The following CNTNAP5 variants were observed in gnomAD, a reference collection of about 807,000 sequenced individuals.
CNTNAP5 encodes contactin associated protein family member 5, also known as contactin-associated protein-like 5.
Under a neutral mutation model 150.2 loss-of-function variants are expected in CNTNAP5, and 72 were observed. That is an observed-to-expected ratio of 0.48 (90% CI 0.40 to 0.58). The LOEUF (loss-of-function observed/expected upper bound fraction) is 0.58, where lower values mean the gene tolerates loss of function less well. CNTNAP5 is among the 20% of genes least tolerant of loss of function. The pLI is 0.00. For missense variants in CNTNAP5, 1,636 were observed against 1,626.2 expected, an observed-to-expected ratio of 1.01 and a Z score of -0.10; for synonymous variants, 672 against 619.8, an observed-to-expected ratio of 1.08 and a Z score of -1.25.
At chr2:124,785,052 A>C (rs1191995500) in intron 17 of CNTNAP5, among the ~76,000 whole-genome samples, 1 of 151,328 alleles carries the variant, frequency 6.6e-6, no homozygotes, top group Non-Finnish European at 1.5e-5. Flanking sequence ...AAAAAAAAAA[A>C]AAAAACAAAA....
chr2:124,865,336 A>G lies in CNTNAP5; in HGVS notation c.3248A>G (p.Lys1083Arg), dbSNP rs777037271. The G allele has an allele frequency of 6.1e-5, 95 of 1,565,182 alleles. No individual in the cohort carries two copies. In the South Asian group the frequency reaches 8.5e-4, roughly 14 times the overall value. Residue 1083 changes from lysine to arginine, a missense_variant, in exon 20 of 24, where the codon AAG becomes AGG. Transcript: ENST00000682447. ...GSLQVRYHLN[K>R]EETHVFTIDA... Reference sequence around the variant, plus strand: ...TTACAGGTTCGCTATCACCTAAACAAGGAAGAAACCCATGTATTCACCATT... The same window carrying G: ...TTACAGGTTCGCTATCACCTAAACAGGGAAGAAACCCATGTATTCACCATT...
At chr2:124,055,921 T>C (rs1456049665) in intron 1 of CNTNAP5, among the ~76,000 whole-genome samples, 1 of 151,588 alleles carries the variant, frequency 6.6e-6, no homozygotes, top group African/African-American at 2.4e-5. Context: ...ACCATCCATG[T>C]CCACTGCCAT....
At position 124,242,304 on chromosome 2, in the gene CNTNAP5, G is replaced by C; in HGVS notation, c.292G>C (p.Gly98Arg). The C allele has an allele frequency of 6.2e-7, 1 of 1,612,848 alleles. No individual in the cohort carries two copies. Among genetic ancestry groups the C allele is most frequent in the Non-Finnish European group, 8.5e-7 (1 of 1,179,514 alleles). Residue 98 changes from glycine to arginine, a missense_variant, in exon 3 of 24, where the codon GGA becomes CGA. By Grantham distance (125) the Gly-to-Arg change is moderately radical. Transcript: ENST00000682447. ...ITAVATQGRY[G>R]SSDWVTSYSL... ...AGCAGTGGCCACGCAGGGAAGATAC[G>C]GAAGCTCTGACTGGGTGACGAGTTA... is the stretch of plus-strand genomic sequence containing the variant.
intron 6 of CNTNAP5, among the ~76,000 whole-genome samples, chr2:124,457,611 G>A (rs537491327): frequency 5.9e-5 from 9 of 152,166 alleles, no homozygotes; most frequent in East Asian, 1.9e-4. Flanking sequence ...ATAGGTAAAC[G>A]TGTGCCATGG....
intron 13 of CNTNAP5, among the ~76,000 whole-genome samples, chr2:124,721,775 T>C (rs1680055002): frequency 6.6e-6 from 1 of 152,122 alleles, no homozygotes; most frequent in Admixed American, 6.6e-5. Context: ...ACAGTACTGA[T>C]TTAGTTTGCT....
At chr2:124,446,254 C>G (rs776620727) in intron 5 of CNTNAP5, among the ~76,000 whole-genome samples, 1 of 152,104 alleles carries the variant, frequency 6.6e-6, no homozygotes, top group Admixed American at 6.6e-5. Flanking sequence ...TTCCTAAGTG[C>G]CGTGCATACA....
intron 1 of CNTNAP5, among the ~76,000 whole-genome samples, chr2:124,184,732 C>T (rs1377956268): frequency 6.6e-6 from 1 of 152,090 alleles, no homozygotes; most frequent in African/African-American, 2.4e-5. Flanking sequence ...GGCTGAGACC[C>T]AGAGAGGCAC....
intron 1 of CNTNAP5, among the ~76,000 whole-genome samples, chr2:124,042,029 T>G (rs2104632414): frequency 6.6e-6 from 1 of 152,178 alleles, no homozygotes; most frequent in East Asian, 1.9e-4. Flanking sequence ...CCCAACTAAT[T>G]TCTGTATTTT....
intron 1 of CNTNAP5, among the ~76,000 whole-genome samples, chr2:124,203,854 G>T (rs1199206140): frequency 6.6e-6 from 1 of 152,212 alleles, no homozygotes; most frequent in Admixed American, 6.5e-5. Context: ...GTGATGGAAT[G>T]GGCTACCATG....
intron 1 of CNTNAP5, among the ~76,000 whole-genome samples, chr2:124,137,183 T>C (rs966043937): frequency 1.3e-5 from 2 of 152,158 alleles, no homozygotes; most frequent in Non-Finnish European, 2.9e-5. Context: ...GCTACTGGCC[T>C]GCTGTCCGTG....
chr2:124,367,640 C>T (rs918375666), intron 3 of CNTNAP5, among the ~76,000 whole-genome samples: 2 of 152,172 alleles, frequency 1.3e-5, no homozygotes, highest in Admixed American at 6.5e-5. Context: ...GCCCCTCTGG[C>T]TTCCATTTCA....
intron 6 of CNTNAP5, among the ~76,000 whole-genome samples, chr2:124,452,563 C>T (rs1294658715): frequency 6.6e-6 from 1 of 152,134 alleles, no homozygotes; most frequent in African/African-American, 2.4e-5. Flanking sequence ...TTGAAAATGC[C>T]AGCTCCTGGG....
intron 3 of CNTNAP5, among the ~76,000 whole-genome samples, chr2:124,402,202 G>A (rs1392067087): frequency 6.6e-6 from 1 of 152,098 alleles, no homozygotes; most frequent in African/African-American, 2.4e-5. Context: ...GACAGTGAAG[G>A]CCAGGACAAG....
chr2:124,060,141 A>G (rs2104652434), intron 1 of CNTNAP5, among the ~76,000 whole-genome samples: 1 of 152,260 alleles, frequency 6.6e-6, no homozygotes, highest in East Asian at 1.9e-4. Flanking sequence ...TTACCTTTCC[A>G]AGACTTGCTA....
intron 3 of CNTNAP5, among the ~76,000 whole-genome samples, chr2:124,281,517 G>A (rs1688011110): frequency 6.6e-6 from 1 of 152,044 alleles, no homozygotes; most frequent in Non-Finnish European, 1.5e-5. Flanking sequence ...GAAAGTTTCA[G>A]GTGAGTAATT....
chr2:124,332,547 A>T (rs2104681930), intron 3 of CNTNAP5, among the ~76,000 whole-genome samples: 1 of 151,602 alleles, frequency 6.6e-6, no homozygotes, highest in Non-Finnish European at 1.5e-5. Context: ...ACAAATAAAC[A>T]TATGTTTAAT....
rs534887874 is a variant in CNTNAP5, at chr2:124,888,195, A to G, written c.3437-14687A>G. Among the ~76,000 whole-genome samples the G allele has an allele frequency of 1.8e-3, 273 of 152,118 alleles. 1 individual carries two copies. Among genetic ancestry groups the G allele is most frequent in the Non-Finnish European group, 3.4e-3 (233 of 67,980 alleles). On this transcript the variant is annotated intron_variant, in intron 21 of 23. Coordinates refer to ENST00000682447, the MANE Select transcript of CNTNAP5 (RefSeq NM_001367498.1). ...CTCCCACTTATTAGTGAGAACATGC[A>G]GTGTTTTGTTTTCTGTTCCTGTGTT...
intron 19 of CNTNAP5, among the ~76,000 whole-genome samples, chr2:124,837,016 C>T (rs1242862520): frequency 6.6e-6 from 1 of 152,044 alleles, no homozygotes; most frequent in Non-Finnish European, 1.5e-5. Context: ...GAGTCAGCAC[C>T]TCTCATCTTC....
At chr2:124,724,094 G>A (rs1680103657) in intron 13 of CNTNAP5, among the ~76,000 whole-genome samples, 1 of 151,600 alleles carries the variant, frequency 6.6e-6, no homozygotes, top group African/African-American at 2.4e-5. Flanking sequence ...GCAGTGAGCT[G>A]AGATTGCACC....
Sources: allele counts gnomAD v4.1 joint callset (sites outside exome capture counted in the v4.1 genomes callset), GRCh38; gene constraint gnomAD v4.1.1; transcripts MANE v1.5; gene names NCBI Gene and HGNC (gene_info 2026-07-23, HGNC 2026-07-21).